Variants in KIRREL3 observed in about 807,000 individuals in gnomAD.
KIRREL3 encodes kin of IRRE-like protein 3.
In KIRREL3, 36 loss-of-function variants were observed where a neutral mutation model predicts 89.7. That is an observed-to-expected ratio of 0.40 (90% confidence interval 0.31 to 0.53). The LOEUF is 0.53. Among genes scored for constraint, KIRREL3 ranks in the 20% least tolerant of loss-of-function variants. The pLI, the probability that KIRREL3 is intolerant of heterozygous loss-of-function variation, is 0.49. For missense variants in KIRREL3, 864 were observed against 1,056.6 expected (o/e 0.82, Z 2.53); for synonymous variants, 445 against 441.4 (o/e 1.01, Z -0.10).
At chr11:126,933,237 A>T in intron 1 of KIRREL3, among the ~76,000 whole-genome samples, 1 of 152,014 alleles carries the variant, frequency 6.6e-6, no homozygotes. Context: ...TCCCACTATC[A>T]AAGTCCCTAT....
chr11:126,646,900 T>C (rs1591871370), intron 1 of KIRREL3, among the ~76,000 whole-genome samples: 1 of 152,298 alleles, frequency 6.6e-6, no homozygotes, highest in South Asian at 2.1e-4. Flanking sequence ...ACAACGTTTT[T>C]CCCCACAAGC....
chr11:126,800,305 A>C (rs1425937756), intron 1 of KIRREL3, among the ~76,000 whole-genome samples: 2 of 152,148 alleles, frequency 1.3e-5, no homozygotes, highest in Non-Finnish European at 2.9e-5. Flanking sequence ...TCATCTGAGC[A>C]CTCAGCCACT....
At chr11:126,949,562 A>G (rs1227519491) in intron 1 of KIRREL3, among the ~76,000 whole-genome samples, 1 of 152,194 alleles carries the variant, frequency 6.6e-6, no homozygotes, top group Non-Finnish European at 1.5e-5. Flanking sequence ...TCACCCTTGG[A>G]GATCAGAAGC....
chr11:126,774,348 A>G (rs1950109325), intron 1 of KIRREL3, among the ~76,000 whole-genome samples: 1 of 152,246 alleles, frequency 6.6e-6, no homozygotes, highest in Admixed American at 6.5e-5. Flanking sequence ...TGTACCCTCT[A>G]GTAGGTGCCT....
At position 126,664,694 on chromosome 11, in the gene KIRREL3, G is replaced by T. The variant is rs541175590; in HGVS notation, c.56-101782C>A. ...GGAGATGGCCACTGTTGCTCTCTGG[G>T]CTGTGGGACATCTAGGAAGCTGATG... On this transcript the variant is annotated intron_variant, in intron 1 of 16. Coordinates refer to ENST00000525144, the MANE Select transcript of KIRREL3 (RefSeq NM_032531.4). The surrounding 1 kb of genome is among the most constrained non-coding windows in gnomAD (Gnocchi z 5.4). Among the ~76,000 whole-genome samples, 2 of 152,334 alleles carry T rather than the reference G, an allele frequency of 1.3e-5. No individual in the cohort carries two copies. Among genetic ancestry groups the T allele is most frequent in the African/African-American group, 4.8e-5 (2 of 41,574 alleles).
chr11:126,987,181 C>T lies in KIRREL3; in HGVS notation c.55+13274G>A, dbSNP rs973601795. On this transcript the variant is annotated intron_variant, in intron 1 of 16. Coordinates refer to ENST00000525144, the MANE Select transcript of KIRREL3 (RefSeq NM_032531.4). The surrounding 1 kb of genome is among the most constrained non-coding windows in gnomAD (Gnocchi z 4.6). ...ATGTGAGATAATTACCTGTCAGGAA[C>T]ACGCAAAGGGAGTCTACACCTAGAA... 1.3e-5 allele frequency among the ~76,000 whole-genome samples: 2 copies of T among 152,098 alleles called. No homozygotes were observed. The highest frequency in any genetic ancestry group is 1.3e-4 in the Admixed American group (2 of 15,268).
At chr11:126,842,907 G>A (rs774776609) in intron 1 of KIRREL3, among the ~76,000 whole-genome samples, 58 of 152,108 alleles carry the variant, frequency 3.8e-4, no homozygotes, top group Admixed American at 2.2e-3. Context: ...CCTCTCCATC[G>A]GAGAGAATAT....
At chr11:126,857,328 G>A (rs952675136) in intron 1 of KIRREL3, among the ~76,000 whole-genome samples, 3 of 152,262 alleles carry the variant, frequency 2.0e-5, no homozygotes, top group East Asian at 1.9e-4. Flanking sequence ...TCACCCTCCT[G>A]CCTGCCCCAA....
chr11:126,629,990 T>A (rs1001745114), intron 1 of KIRREL3, among the ~76,000 whole-genome samples: 3 of 152,214 alleles, frequency 2.0e-5, no homozygotes, highest in African/African-American at 7.2e-5. Context: ...TCTGCCAGGA[T>A]CCTGATAGAT....
chr11:126,994,728 A>T lies in KIRREL3; in HGVS notation c.55+5727T>A, dbSNP rs964754387. Among the ~76,000 whole-genome samples the T allele has an allele frequency of 6.6e-6, 1 of 152,182 alleles. No individual in the cohort carries two copies. The highest frequency in any genetic ancestry group is 2.4e-5 in the African/African-American group (1 of 41,444). ...TATGAGTGAATGAAAGTTAACGTGC[A>T]GTAGGGGGAGGTTCAATGGGGGAGA... On this transcript the variant is annotated intron_variant, in intron 1 of 16. Transcript: ENST00000525144. The surrounding 1 kb of genome is among the most constrained non-coding windows in gnomAD (Gnocchi z 5.2).
intron 1 of KIRREL3, among the ~76,000 whole-genome samples, chr11:126,937,626 C>A (rs917334918): frequency 1.3e-5 from 2 of 152,164 alleles, no homozygotes; most frequent in Non-Finnish European, 2.9e-5. Flanking sequence ...GTTGGCCGGG[C>A]GTGGTGGCTC....
rs976402253 is a variant in KIRREL3, at chr11:126,946,193, A to C, written c.55+54262T>G. ...CCCTAAGCTTAGATGCCAGAATTCA[A>C]GTTTCAGTTTTTCCCCTTAAAATGA... On this transcript the variant is annotated intron_variant, in intron 1 of 16. Transcript: ENST00000525144. The surrounding 1 kb of genome is among the most constrained non-coding windows in gnomAD (Gnocchi z 4.1). Among the ~76,000 whole-genome samples, 3 of 150,526 alleles carry C rather than the reference A, an allele frequency of 2.0e-5. No homozygotes were observed. Among genetic ancestry groups the C allele is most frequent in the African/African-American group, 7.2e-5 (3 of 41,430 alleles).
At chr11:126,532,340 G>A (rs1477804030) in intron 2 of KIRREL3, among the ~76,000 whole-genome samples, 5 of 151,884 alleles carry the variant, frequency 3.3e-5, no homozygotes, top group Non-Finnish European at 4.4e-5. Flanking sequence ...CACCAACAAG[G>A]CAGCCTACTC....
intron 7 of KIRREL3, among the ~76,000 whole-genome samples, chr11:126,450,660 AGTGT>A (rs201126676): frequency 1.1e-4 from 11 of 96,994 alleles, no homozygotes; most frequent in Admixed American, 2.1e-4. Context: ...TGTGTGCATG[AGTGT>A]GTGTGTGTCC....
rs570521393 is a variant in KIRREL3 at position 126,996,903 on chromosome 11, C to T, written c.55+3552G>A. Among the ~76,000 whole-genome samples the T allele has an allele frequency of 1.3e-5, 2 of 152,304 alleles. No individual in the cohort carries two copies. Among genetic ancestry groups the T allele is most frequent in the Admixed American group, 1.3e-4 (2 of 15,306 alleles). ...CACAGAATCACAAGGCAGGACAGGACGCTCTAGGAATGCCAGAGCAAAATG... is the reference window on the plus strand; with the variant it reads ...CACAGAATCACAAGGCAGGACAGGATGCTCTAGGAATGCCAGAGCAAAATG... On this transcript the variant is annotated intron_variant, in intron 1 of 16. Transcript: ENST00000525144. The surrounding 1 kb of genome is among the most constrained non-coding windows in gnomAD (Gnocchi z 4.7).
At chr11:126,984,493 C>T (rs980535593) in intron 1 of KIRREL3, among the ~76,000 whole-genome samples, 1 of 152,184 alleles carries the variant, frequency 6.6e-6, no homozygotes, top group African/African-American at 2.4e-5. Context: ...CCTATGGACC[C>T]AGTAAAAGGT....
chr11:126,678,599 CAAAA>C (rs59342253), intron 1 of KIRREL3, among the ~76,000 whole-genome samples: 18 of 50,044 alleles, frequency 3.6e-4, no homozygotes, highest in African/African-American at 1.2e-3. Context: ...GACTCTGTCT[CAAAA>C]AAAAAAAAAA....
intron 10 of KIRREL3, among the ~76,000 whole-genome samples, chr11:126,442,738 G>T (rs551493513): frequency 2.0e-5 from 3 of 152,228 alleles, no homozygotes; most frequent in Non-Finnish European, 4.4e-5. Flanking sequence ...CAGACAGTTC[G>T]CCCCCTGGCA....
At chr11:126,854,208 ACTT>A (rs1291904363) in intron 1 of KIRREL3, among the ~76,000 whole-genome samples, 2 of 147,010 alleles carry the variant, frequency 1.4e-5, no homozygotes, top group African/African-American at 2.5e-5. Flanking sequence ...AATAGTTGAT[ACTT>A]CTTTTTAAAA....
Sources: allele counts gnomAD v4.1 joint callset (sites outside exome capture counted in the v4.1 genomes callset), GRCh38; gene constraint gnomAD v4.1.1; non-coding constraint Gnocchi (gnomAD v3.1); transcripts MANE v1.5; gene names NCBI Gene and HGNC (gene_info 2026-07-23, HGNC 2026-07-21).